Variants in LFNG observed in about 807,000 individuals in gnomAD.
The protein encoded by LFNG is beta-1,3-N-acetylglucosaminyltransferase lunatic fringe.
In LFNG, 15 loss-of-function variants were observed where a neutral mutation model predicts 32.7. The ratio of observed to expected loss-of-function variants is 0.46; its 90% CI spans 0.31 to 0.71. LFNG has a LOEUF of 0.71. LFNG is among the 30% of genes least tolerant of loss of function. The pLI is 0.06. For synonymous variants in LFNG, 274 were observed against 246.8 expected (o/e 1.11, Z -1.03); for missense variants, 520 against 545.7 (o/e 0.95, Z 0.47).
upstream of LFNG, chr7:2,518,493 C>CAT: frequency 1.1e-6 from 1 of 887,374 alleles, no homozygotes; most frequent in Non-Finnish European, 1.9e-6. Flanking sequence ...TGGGGCCAGA[C>CAT]ATTTATCCAG....
Position 2,526,809 on chromosome 7 carries a change from C to T in LFNG, c.988-27C>T, listed in dbSNP as rs757790158. On this transcript the variant is annotated intron_variant, in intron 6 of 7. Transcript: ENST00000222725. This position sits in a 1 kb window ranked among gnomAD's most constrained non-coding sequence, Gnocchi z 6.9. ...GGGCCCAGGGATGTCGGGCCCCTCC[C>T]GGCATCACTCCGCCCGCTCCCCACA... 59 of 1,608,052 alleles carry T rather than the reference C, an allele frequency of 3.7e-5. No homozygotes were observed. The highest frequency in any genetic ancestry group is 8.0e-5 in the African/African-American group (6 of 74,732).
chr7:2,519,868 A>C lies in LFNG; in HGVS notation c.7A>C (p.Lys3Gln). The change falls in exon 1 of 8, where the codon AAG (lysine) becomes CAG (glutamine). Residue 3 changes from lysine to glutamine, a missense_variant. By Grantham distance (53) the Lys-to-Gln change is moderately conservative. Coordinates refer to ENST00000222725, the MANE Select transcript of LFNG (RefSeq NM_001040167.2). ...GCGCGGCCGCCACCCCACCATGCTC[A>C]AGCGCTGCGGCCGGCGCCTGCTGCT... is the stretch of plus-strand genomic sequence containing the variant. ML[K>Q]RCGRRLLLAL... 9.1e-7 allele frequency: 1 copy of C among 1,102,826 alleles called. No individual in the cohort carries two copies. The allele number at this position is 1,102,826 out of a possible 1,614,324, so 68.3% of individuals were successfully genotyped here.
At position 2,527,251 on chromosome 7, in the gene LFNG, A is replaced by C; in HGVS notation, c.*39A>C. On this transcript the variant is annotated 3_prime_UTR_variant, in exon 8 of 8. Transcript: ENST00000222725. This position sits in a 1 kb window ranked among gnomAD's most constrained non-coding sequence, Gnocchi z 4.4. ...GACCCAATCCCTGGGCGCCCCTGGT[A>C]TCCAAAGGGCCCAGGGACCCTGTTG... 2 of 1,607,518 alleles carry C rather than the reference A, an allele frequency of 1.2e-6. No homozygotes were observed. The highest frequency in any genetic ancestry group is 1.7e-6 in the Non-Finnish European group (2 of 1,179,006).
At chr7:2,519,552 T>C (rs1020819193), upstream of LFNG, among the ~76,000 whole-genome samples, 14 of 150,804 alleles carry the variant, frequency 9.3e-5, no homozygotes, top group African/African-American at 3.2e-4. Context: ...CCGCAGGGGC[T>C]ACCCGGGGCG....
chr7:2,514,552 G>GTCCATCCA (rs71026525), upstream of LFNG, among the ~76,000 whole-genome samples: 79 of 148,140 alleles, frequency 5.3e-4, no homozygotes, highest in Admixed American at 8.7e-4. Flanking sequence ...CCATCCATCT[G>GTCCATCCA]TCCATCCATC....
chr7:2,512,543 C>A, exon 1 of LFNG: 1 of 928,816 alleles, frequency 1.1e-6, no homozygotes, highest in South Asian at 1.4e-5. Context: ...TAAGCTGCAA[C>A]ACTGGCAGAG....
upstream of LFNG, among the ~76,000 whole-genome samples, chr7:2,513,907 G>A (rs947161196): frequency 7.2e-5 from 11 of 152,338 alleles, no homozygotes; most frequent in African/African-American, 2.4e-4. Flanking sequence ...TGCCAGCCCA[G>A]GCCTGCCGTC....
chr7:2,528,414 G>T lies in LFNG; in HGVS notation c.*1202G>T. 2 of 988,978 alleles carry T rather than the reference G, an allele frequency of 2.0e-6. No individual in the cohort carries two copies. Among genetic ancestry groups the T allele is most frequent in the Non-Finnish European group, 2.4e-6 (2 of 831,726 alleles). The allele number at this position is 988,978 out of a possible 1,614,324, so 61.3% of individuals were successfully genotyped here. A position where few individuals can be genotyped will look rare whatever the true frequency, so the allele number is the denominator to read the frequency against. On this transcript the variant is annotated 3_prime_UTR_variant, in exon 8 of 8. Transcript: ENST00000222725. ...TGACGTCCTTTTGCTGTGAATAAAGGTGCTCTTTGCAGCAATCCTGGGGGT... is the reference window on the plus strand; with the variant it reads ...TGACGTCCTTTTGCTGTGAATAAAGTTGCTCTTTGCAGCAATCCTGGGGGT...
In LFNG at chr7:2,520,284, C is replaced by G. The variant is rs547797904; in HGVS notation, c.423C>G (p.His141Gln). 6.2e-7 allele frequency: 1 copy of G among 1,609,482 alleles called. No homozygotes were observed. Among genetic ancestry groups the G allele is most frequent in the African/African-American group, 1.3e-5 (1 of 74,688 alleles). The change falls in exon 1 of 8, where the codon CAC becomes CAG. Residue 141 changes from histidine to glutamine, a missense_variant. This residue lies in a region of LFNG where 360 missense variants were observed against 354.7 expected (regional missense o/e 1.01). Transcript: ENST00000222725. This position sits in a 1 kb window ranked among gnomAD's most constrained non-coding sequence, Gnocchi z 5.0. ...DLLLETWISR[H>Q]KEMTFIFTDG... is the part of the protein sequence containing the mutation. ...TGCTGGAGACCTGGATCTCGCGCCA[C>G]AAGGAGATGGTGAGCCCCCCGCGGC...
rs1451545861 is a variant in LFNG, at chr7:2,527,930, C to T, written c.*718C>T. 1.0e-6 allele frequency: 1 copy of T among 986,302 alleles called. No individual in the cohort carries two copies. The highest frequency in any genetic ancestry group is 1.2e-6 in the Non-Finnish European group (1 of 830,570). The allele number at this position is 986,302 out of a possible 1,614,324, so 61.1% of individuals were successfully genotyped here. A position where few individuals can be genotyped will look rare whatever the true frequency, so the allele number is the denominator to read the frequency against. On this transcript the variant is annotated 3_prime_UTR_variant, in exon 8 of 8. Coordinates refer to ENST00000222725, the MANE Select transcript of LFNG (RefSeq NM_001040167.2). This position sits in a 1 kb window ranked among gnomAD's most constrained non-coding sequence, Gnocchi z 4.4. ...CAGGACAGGGTGAGTCAGAGCTCAG[C>T]ATTTAATCTCCTCTCCAAAGTAGAG...
upstream of LFNG, among the ~76,000 whole-genome samples, chr7:2,515,517 C>T (rs937232567): frequency 3.3e-5 from 5 of 152,186 alleles, no homozygotes; most frequent in East Asian, 1.9e-4. Flanking sequence ...GGATGCCCCC[C>T]GAAGCCTTGC....
chr7:2,528,836 C>T (rs947265677), downstream of LFNG: 7 of 616,462 alleles, frequency 1.1e-5, no homozygotes, highest in African/African-American at 3.9e-5. Context: ...ACTCCTGCCA[C>T]GAGCTCACAG....
chr7:2,528,406 G>A lies in LFNG; in HGVS notation c.*1194G>A, dbSNP rs907876900. Reference sequence around the variant, plus strand: ...TGCTATGGTGACGTCCTTTTGCTGTGAATAAAGGTGCTCTTTGCAGCAATC... The same window carrying A: ...TGCTATGGTGACGTCCTTTTGCTGTAAATAAAGGTGCTCTTTGCAGCAATC... On this transcript the variant is annotated 3_prime_UTR_variant, in exon 8 of 8. Transcript: ENST00000222725. The A allele has an allele frequency of 1.4e-5, 14 of 988,046 alleles. No homozygotes were observed. In the Admixed American group the frequency reaches 2.4e-4, roughly 17 times the overall value. 61.2% of individuals were successfully genotyped at this position (988,046 alleles called of 1,614,324 possible).
At chr7:2,517,392 C>T (rs770233424), upstream of LFNG, among the ~76,000 whole-genome samples, 7 of 152,280 alleles carry the variant, frequency 4.6e-5, no homozygotes, top group South Asian at 2.1e-4. Flanking sequence ...TACAGAGAGA[C>T]GCGGGAACCC....
Position 2,520,054 on chromosome 7 carries a change from G to A in LFNG, c.193G>A (p.Gly65Arg), listed in dbSNP as rs1181202673. ...GCTGGGGGCGGCGGCGGCGGCGCCC[G>A]GGGCGCTGGTCCGCGACGTGCACAG... ...PGLGAAAAAP[G>R]ALVRDVHSLS... Residue 65 changes from glycine (G) to arginine (R), a missense_variant, in exon 1 of 8, where the codon GGG becomes AGG. Physicochemically the swap from Gly to Arg is moderately radical, Grantham distance 125. Around this residue, in one of 3 missense-constraint regions of LFNG, gnomAD observed 360 missense variants for 354.7 expected, o/e 1.01. Transcript: ENST00000222725. This position sits in a 1 kb window ranked among gnomAD's most constrained non-coding sequence, Gnocchi z 5.0. 4 of 1,133,596 alleles carry A rather than the reference G, an allele frequency of 3.5e-6. No individual in the cohort carries two copies. Among genetic ancestry groups the A allele is most frequent in the South Asian group, 7.0e-5 (2 of 28,464 alleles). 70.2% of individuals were successfully genotyped at this position (1,133,596 alleles called of 1,614,324 possible).
upstream of LFNG, among the ~76,000 whole-genome samples, chr7:2,516,460 A>G (rs1325549984): frequency 6.6e-6 from 1 of 152,142 alleles, no homozygotes; most frequent in Non-Finnish European, 1.5e-5. Flanking sequence ...TCTAGGCCTG[A>G]GTGTCAAGGG....
In LFNG at chr7:2,527,256, A is replaced by G; in HGVS notation, c.*44A>G. The G allele has an allele frequency of 6.2e-7, 1 of 1,606,004 alleles. No homozygotes were observed. The highest frequency in any genetic ancestry group is 8.5e-7 in the Non-Finnish European group (1 of 1,178,678). Reference sequence around the variant, plus strand: ...AATCCCTGGGCGCCCCTGGTATCCAAAGGGCCCAGGGACCCTGTTGCGCTG... The same window carrying G: ...AATCCCTGGGCGCCCCTGGTATCCAGAGGGCCCAGGGACCCTGTTGCGCTG... On this transcript the variant is annotated 3_prime_UTR_variant, in exon 8 of 8. Transcript: ENST00000222725. The surrounding 1 kb of genome is among the most constrained non-coding windows in gnomAD (Gnocchi z 4.4).
Position 2,525,493 on chromosome 7 carries a change from C to G in LFNG, c.661C>G (p.Arg221Gly). The change falls in exon 4 of 8, where the codon CGG (arginine) becomes GGG (glycine). Residue 221 changes from arginine to glycine, a missense_variant. Arg to Gly is a moderately radical substitution (Grantham distance 125). This residue lies in a region of LFNG where 360 missense variants were observed against 354.7 expected (regional missense o/e 1.01). Transcript: ENST00000222725. The stretch of plus-strand genomic sequence containing the variant: ...GCTGCTGGCCAGCTACCCGCACACG[C>G]GGGACGTCTACGTCGGCAAGCCCAG... ...LRLLASYPHT[R>G]DVYVGKPSLD... is the part of the protein sequence containing the mutation. The G allele has an allele frequency of 6.2e-7, 1 of 1,612,400 alleles. No homozygotes were observed. The highest frequency in any genetic ancestry group is 1.1e-5 in the South Asian group (1 of 91,060).
chr7:2,525,311 G>A lies in LFNG; in HGVS notation c.574G>A (p.Gly192Ser), dbSNP rs375889285. The A allele has an allele frequency of 1.9e-5, 30 of 1,612,812 alleles. No homozygotes were observed. Among genetic ancestry groups the A allele is most frequent in the Admixed American group, 1.5e-4 (9 of 59,994 alleles). Residue 192 changes from glycine (G) to serine (S), a missense_variant, in exon 3 of 8, where the codon GGC becomes AGC. Gly to Ser is a moderately conservative substitution (Grantham distance 56). Around this residue, in one of 3 missense-constraint regions of LFNG, gnomAD observed 360 missense variants for 354.7 expected, o/e 1.01. Coordinates refer to ENST00000222725, the MANE Select transcript of LFNG (RefSeq NM_001040167.2). ...GGAGTATGACCGCTTCATCGAGTCC[G>A]GCAGGAAGTGAGTGTGGCCCCGGGG... ...AVEYDRFIES[G>S]RKWFCHVDDD... is the part of the protein sequence containing the mutation.
Sources: allele counts gnomAD v4.1 joint callset (sites outside exome capture counted in the v4.1 genomes callset), GRCh38; gene constraint gnomAD v4.1.1; regional missense constraint gnomAD v4.1.1; non-coding constraint Gnocchi (gnomAD v3.1); transcripts MANE v1.5; gene names NCBI Gene and HGNC (gene_info 2026-07-23, HGNC 2026-07-21).